The following QRFPR variants were observed in gnomAD, a reference collection of about 807,000 sequenced individuals.
QRFPR encodes the protein pyroglutamylated RF-amide peptide receptor.
Under a neutral mutation model 31.3 loss-of-function variants are expected in QRFPR, and 37 were observed. The ratio of observed to expected loss-of-function variants is 1.18; its 90% CI spans 0.91 to 1.56. The LOEUF is 1.56. Ranked by LOEUF, QRFPR falls within the 40% of genes most tolerant of loss-of-function variation. The pLI is 0.00. For missense variants in QRFPR, 542 were observed against 532.5 expected, an observed-to-expected ratio of 1.02 and a Z score of -0.18; for synonymous variants, 197 against 192.0, an observed-to-expected ratio of 1.03 and a Z score of -0.22.
chr4:121,349,888 G>A (rs1225720286), intron 1 of QRFPR, among the ~76,000 whole-genome samples: 1 of 152,112 alleles, frequency 6.6e-6, no homozygotes. Context: ...ATAAGGCATA[G>A]CAATCAGCAT....
At position 121,361,702 on chromosome 4, in the gene QRFPR, C is replaced by T. The variant is rs17051343; in HGVS notation, c.340+18606G>A. Among the ~76,000 whole-genome samples the T allele has an allele frequency of 6.2e-3, 925 of 150,118 alleles. 66 individuals are homozygous for T. The highest frequency in any genetic ancestry group is 0.022 in the African/African-American group (883 of 40,646). On this transcript the variant is annotated intron_variant, in intron 1 of 5. Transcript: ENST00000394427. ...TCCATGGACCAGGCTTTAAACAGCACGAAAAGTTCACAATAGATTGAAGAA... is the reference window on the plus strand; with the variant it reads ...TCCATGGACCAGGCTTTAAACAGCATGAAAAGTTCACAATAGATTGAAGAA...
chr4:121,365,674 T>TATATATTATATATATTATATATATA (rs1726124086), intron 1 of QRFPR, among the ~76,000 whole-genome samples: 2 of 29,656 alleles, frequency 6.7e-5, no homozygotes, highest in Admixed American at 7.0e-4. Context: ...TTTTATATAT[T>TATATATTATATATATTATATATATA]ATATATATAT....
chr4:121,380,800 G>C lies in QRFPR; in HGVS notation c.-153C>G. ...GCGGGAGGGCTCTAGGCTGCACCCC[G>C]GGAGGTTCGGGAAAGGAGAGCAGCT... On this transcript the variant is annotated 5_prime_UTR_variant, in exon 1 of 6. Transcript: ENST00000394427. 1 of 654,308 alleles carries C rather than the reference G, an allele frequency of 1.5e-6. No individual in the cohort carries two copies. The highest frequency in any genetic ancestry group is 2.8e-5 in the East Asian group (1 of 35,330). 40.5% of individuals were successfully genotyped at this position (654,308 alleles called of 1,614,324 possible).
Position 121,361,242 on chromosome 4 carries a change from A to G in QRFPR, c.340+19066T>C, listed in dbSNP as rs533932892. 1.9e-4 allele frequency among the ~76,000 whole-genome samples: 29 copies of G among 150,198 alleles called. 2 individuals are homozygous for G. Among genetic ancestry groups the G allele is most frequent in the Admixed American group, 1.9e-3 (28 of 15,110 alleles). ...ACTTTGAGGAAAATTTCACTCATTCAATTTGAATCAGATGGATCCAGTCTT... is the reference window on the plus strand; with the variant it reads ...ACTTTGAGGAAAATTTCACTCATTCGATTTGAATCAGATGGATCCAGTCTT... On this transcript the variant is annotated intron_variant, in intron 1 of 5. Transcript: ENST00000394427.
At chr4:121,380,034 A>G (rs534391384) in intron 1 of QRFPR, among the ~76,000 whole-genome samples, 16 of 152,088 alleles carry the variant, frequency 1.1e-4, no homozygotes, top group African/African-American at 3.6e-4. Flanking sequence ...TCTAAGCCAC[A>G]AGGAGGAAGC....
chr4:121,341,582 C>T (rs555393035), intron 1 of QRFPR, among the ~76,000 whole-genome samples: 2 of 152,224 alleles, frequency 1.3e-5, no homozygotes, highest in East Asian at 1.9e-4. Context: ...TAGAAAATTC[C>T]GCATCTTCCC....
chr4:121,330,570 A>G (rs1725303466), intron 4 of QRFPR, 47 bp from the exon 5 acceptor site: 1 of 1,402,226 alleles, frequency 7.1e-7, no homozygotes, highest in African/African-American at 1.4e-5. Context: ...TCCTTGGCAA[A>G]TGTGCCAGCT....
At chr4:121,356,417 G>A (rs1254166577) in intron 1 of QRFPR, among the ~76,000 whole-genome samples, 1 of 152,068 alleles carries the variant, frequency 6.6e-6, no homozygotes, top group African/African-American at 2.4e-5. Context: ...ACTGGTCACT[G>A]GTGCCTTATT....
At chr4:121,347,997 G>C (rs1725690619) in intron 1 of QRFPR, among the ~76,000 whole-genome samples, 1 of 151,912 alleles carries the variant, frequency 6.6e-6, no homozygotes, top group Admixed American at 6.6e-5. Context: ...CTTTTTTATA[G>C]AGTATTTTTA....
chr4:121,374,221 G>T (rs1297833869), intron 1 of QRFPR, among the ~76,000 whole-genome samples: 1 of 152,148 alleles, frequency 6.6e-6, no homozygotes, highest in African/African-American at 2.4e-5. Flanking sequence ...GCAATAGGCT[G>T]CAGAAAACGG....
rs113497706 is a variant in QRFPR at position 121,378,666 on chromosome 4, G to A, written c.340+1642C>T. Among the ~76,000 whole-genome samples, 76 of 151,970 alleles carry A rather than the reference G, an allele frequency of 5.0e-4. 1 individual carries two copies. In the South Asian group the frequency reaches 0.015, roughly 29 times the overall value. ...TCTCGATCTCATGACCTCGTGATCC[G>A]CCCGCCTCGGCCTCCCAAAGTGTTG... On this transcript the variant is annotated intron_variant, in intron 1 of 5. Transcript: ENST00000394427.
intron 2 of QRFPR, among the ~76,000 whole-genome samples, chr4:121,338,036 A>T (rs912581951): frequency 6.6e-6 from 1 of 152,182 alleles, no homozygotes; most frequent in Non-Finnish European, 1.5e-5. Context: ...ATTAAGCCAT[A>T]ATTGGGGTTT....
At position 121,369,639 on chromosome 4, in the gene QRFPR, C is replaced by G. The variant is rs542938925; in HGVS notation, c.340+10669G>C. On this transcript the variant is annotated intron_variant, in intron 1 of 5. Coordinates refer to ENST00000394427, the MANE Select transcript of QRFPR (RefSeq NM_198179.3). Reference sequence around the variant, plus strand: ...CGGTAGGCCTGGGTGGCAAAACTTCCAGAATCATACTTCTGAAGGGATCTC... The same window carrying G: ...CGGTAGGCCTGGGTGGCAAAACTTCGAGAATCATACTTCTGAAGGGATCTC... 3,902 of 1,601,476 alleles carry G rather than the reference C, an allele frequency of 2.4e-3. 7 individuals carry two copies. Among genetic ancestry groups the G allele is most frequent in the Non-Finnish European group, 3.0e-3 (3,546 of 1,170,200 alleles).
intron 1 of QRFPR, among the ~76,000 whole-genome samples, chr4:121,365,638 ATTTT>A (rs1560743972): frequency 2.3e-4 from 8 of 35,196 alleles, no homozygotes; most frequent in Admixed American, 4.7e-4. Flanking sequence ...TTATATATAT[ATTTT>A]ATATATTATA....
rs1296655106 is a variant in QRFPR, at chr4:121,329,345, GC to G, written c.1264del (p.Ala422LeufsTer6). ...RHLALFRSEL[A>X]ENSPLDSGH ...CCCACTGTCTAAAGGAGAATTCTCA[GC>G]CAGTTCAGACCTAAAGAGAGCAAGA... On this transcript the variant is annotated frameshift_variant, in exon 6 of 6. Transcript: ENST00000394427. LOFTEE classifies it high-confidence loss of function. 1 of 1,613,548 alleles carries G rather than the reference GC, an allele frequency of 6.2e-7. No individual in the cohort carries two copies. Among genetic ancestry groups the G allele is most frequent in the Non-Finnish European group, 8.5e-7 (1 of 1,179,792 alleles).
At chr4:121,378,193 C>T (rs1465433421) in intron 1 of QRFPR, among the ~76,000 whole-genome samples, 1 of 152,112 alleles carries the variant, frequency 6.6e-6, no homozygotes, top group Non-Finnish European at 1.5e-5. Flanking sequence ...CTCACACTAA[C>T]CCTATAAAAT....
At chr4:121,338,587 A>G (rs1193037120) in intron 2 of QRFPR, among the ~76,000 whole-genome samples, 1 of 152,228 alleles carries the variant, frequency 6.6e-6, no homozygotes, top group South Asian at 2.1e-4. Flanking sequence ...TTCTTCTTCC[A>G]ATATGGCCCA....
chr4:121,378,052 T>C (rs533799451), intron 1 of QRFPR, among the ~76,000 whole-genome samples: 2 of 152,318 alleles, frequency 1.3e-5, no homozygotes, highest in East Asian at 3.9e-4. Context: ...AAGATCATTA[T>C]TTATTCTATA....
intron 2 of QRFPR, 54 bp downstream of exon 2, chr4:121,340,398 T>A: frequency 6.3e-7 from 1 of 1,581,466 alleles, no homozygotes. Context: ...TGGTTCTCTA[T>A]TCTGTAATGA....
Sources: gnomAD v4.1 joint callset for allele counts (sites outside exome capture counted in the v4.1 genomes callset) on GRCh38, gnomAD v4.1.1 for gene constraint, MANE v1.5 for transcripts, NCBI Gene and HGNC (gene_info 2026-07-23, HGNC 2026-07-21) for gene names.